Variants in TSHZ2 observed in about 807,000 individuals in gnomAD.
TSHZ2 encodes teashirt zinc finger homeobox 2.
A neutral mutation model predicts 74.4 loss-of-function variants in TSHZ2; 21 were observed. That is an observed-to-expected ratio of 0.28 (90% CI 0.20 to 0.41). The LOEUF (loss-of-function observed/expected upper bound fraction) is 0.41, where lower values mean the gene tolerates loss of function less well. Among genes scored for constraint, TSHZ2 ranks in the 10% least tolerant of loss-of-function variants. The pLI is 1.00. For missense variants in TSHZ2, 1,244 were observed against 1,293.5 expected, an observed-to-expected ratio of 0.96 and a Z score of 0.59; for synonymous variants, 540 against 515.3, an observed-to-expected ratio of 1.05 and a Z score of -0.65.
intron 2 of TSHZ2, among the ~76,000 whole-genome samples, chr20:53,422,918 T>C (rs977311107): frequency 6.6e-6 from 1 of 152,198 alleles, no homozygotes; most frequent in African/African-American, 2.4e-5. Context: ...AGTAATTTGA[T>C]TTCCTGGTTT....
At chr20:53,126,970 T>C (rs2123370257) in intron 1 of TSHZ2, among the ~76,000 whole-genome samples, 1 of 151,742 alleles carries the variant, frequency 6.6e-6, no homozygotes, top group East Asian at 1.9e-4. Context: ...CTCCAACATG[T>C]AGCAGAGAGA....
intron 1 of TSHZ2, among the ~76,000 whole-genome samples, chr20:53,213,493 A>C (rs1351627941): frequency 6.6e-6 from 1 of 152,146 alleles, no homozygotes; most frequent in Non-Finnish European, 1.5e-5. Context: ...AAAGTGTTTA[A>C]AGTTTAATTA....
At chr20:53,105,855 C>T (rs1568761606) in intron 1 of TSHZ2, among the ~76,000 whole-genome samples, 4 of 152,184 alleles carry the variant, frequency 2.6e-5, no homozygotes, top group African/African-American at 9.6e-5. Context: ...CCATGTTGCA[C>T]GGGCTGGTCT....
At chr20:53,007,055 A>G (rs1982670159) in intron 1 of TSHZ2, among the ~76,000 whole-genome samples, 1 of 152,174 alleles carries the variant, frequency 6.6e-6, no homozygotes, top group Admixed American at 6.5e-5. Context: ...TTTAATTGCC[A>G]TTGTGACTGG....
At chr20:53,418,640 C>A (rs1983358309) in intron 2 of TSHZ2, among the ~76,000 whole-genome samples, 1 of 152,106 alleles carries the variant, frequency 6.6e-6, no homozygotes, top group Non-Finnish European at 1.5e-5. Context: ...AATTACCACC[C>A]CCCAGGTCCT....
chr20:53,086,146 A>C (rs2123245274), intron 1 of TSHZ2, among the ~76,000 whole-genome samples: 1 of 152,314 alleles, frequency 6.6e-6, no homozygotes, highest in South Asian at 2.1e-4. Flanking sequence ...GTTGTAAGGA[A>C]GAATAACTCT....
intron 2 of TSHZ2, among the ~76,000 whole-genome samples, chr20:53,449,676 A>G (rs1311311531): frequency 6.6e-6 from 1 of 152,188 alleles, no homozygotes; most frequent in Admixed American, 6.5e-5. Flanking sequence ...CCATCTTCAC[A>G]TATTAAAATC....
intron 1 of TSHZ2, among the ~76,000 whole-genome samples, chr20:53,028,671 C>T (rs1400987797): frequency 6.6e-6 from 1 of 152,196 alleles, no homozygotes; most frequent in East Asian, 1.9e-4. Context: ...TCAGCAGTTT[C>T]CTCAGTGCCT....
At chr20:53,108,289 G>A (rs572321085) in intron 1 of TSHZ2, among the ~76,000 whole-genome samples, 5 of 152,360 alleles carry the variant, frequency 3.3e-5, no homozygotes, top group African/African-American at 7.2e-5. Context: ...ATTTTTATGA[G>A]GGGAGTAAGA....
chr20:53,017,461 A>G (rs1242214965), intron 1 of TSHZ2, among the ~76,000 whole-genome samples: 1 of 152,182 alleles, frequency 6.6e-6, no homozygotes, highest in African/African-American at 2.4e-5. Context: ...AACAGTTGAT[A>G]TGTATCGTAA....
intron 1 of TSHZ2, among the ~76,000 whole-genome samples, chr20:53,164,922 T>C (rs560253330): frequency 1.3e-5 from 2 of 152,284 alleles, no homozygotes; most frequent in Non-Finnish European, 2.9e-5. Context: ...CCTAATATCA[T>C]TGATGTTTGT....
chr20:53,381,824 T>G (rs1417644282), intron 2 of TSHZ2, among the ~76,000 whole-genome samples: 1 of 152,186 alleles, frequency 6.6e-6, no homozygotes, highest in Non-Finnish European at 1.5e-5. Context: ...GGGACTGCTC[T>G]TCCTACACTG....
rs1803199660 is a variant in TSHZ2, at chr20:53,253,535, A to T, written c.77A>T (p.Glu26Val). The T allele has an allele frequency of 6.2e-7, 1 of 1,612,684 alleles. No individual in the cohort carries two copies. ...AQEEQLKEEE[E>V]IKEEEEEEDS... ...GAGGAACAGCTGAAAGAAGAGGAGG[A>T]AATAAAAGAAGAGGAGGAGGAGGAG... Residue 26 changes from glutamate to valine, a missense_variant, in exon 2 of 3, where the codon GAA becomes GTA. Physicochemically the swap from Glu to Val is moderately radical, Grantham distance 121. Transcript: ENST00000371497.
chr20:53,016,089 A>G (rs1983031448), intron 1 of TSHZ2, among the ~76,000 whole-genome samples: 1 of 152,206 alleles, frequency 6.6e-6, no homozygotes, highest in Non-Finnish European at 1.5e-5. Context: ...TTAAAAATGG[A>G]AAATATGAGG....
intron 1 of TSHZ2, among the ~76,000 whole-genome samples, chr20:53,163,360 C>CTTTTTTTTTTTTTTTTTT (rs55685519): frequency 1.5e-5 from 1 of 65,636 alleles, no homozygotes; most frequent in Non-Finnish European, 2.8e-5. Context: ...CTCTCTGTCT[C>CTTTTTTTTTTTTTTTTTT]TTTTTTTTTT....
At chr20:53,077,722 C>G (rs1985411527) in intron 1 of TSHZ2, among the ~76,000 whole-genome samples, 1 of 152,150 alleles carries the variant, frequency 6.6e-6, no homozygotes. Flanking sequence ...TGACAAAAGG[C>G]CAGTCAGTGT....
intron 2 of TSHZ2, among the ~76,000 whole-genome samples, chr20:53,462,680 A>G (rs1985416942): frequency 6.6e-6 from 1 of 152,230 alleles, no homozygotes; most frequent in Non-Finnish European, 1.5e-5. Context: ...ATAGCTGCTC[A>G]ACAGCTGATT....
intron 2 of TSHZ2, among the ~76,000 whole-genome samples, chr20:53,429,617 T>G (rs1983767942): frequency 6.6e-6 from 1 of 152,192 alleles, no homozygotes; most frequent in Non-Finnish European, 1.5e-5. Flanking sequence ...AACCTCTTTC[T>G]TTTGTAAATT....
chr20:53,488,887 T>C lies in TSHZ2; in HGVS notation c.*1752T>C. On this transcript the variant is annotated 3_prime_UTR_variant, in exon 3 of 3. Coordinates refer to ENST00000371497, the MANE Select transcript of TSHZ2 (RefSeq NM_173485.6). Reference sequence around the variant, plus strand: ...CCTCCTAGGGAAAGTGTTGCCCTTATGCCACATATAATAGCAAATTGCTTT... The same window carrying C: ...CCTCCTAGGGAAAGTGTTGCCCTTACGCCACATATAATAGCAAATTGCTTT... 2.4e-6 allele frequency: 1 copy of C among 421,462 alleles called. No homozygotes were observed. The highest frequency in any genetic ancestry group is 4.8e-6 in the Non-Finnish European group (1 of 209,430). The allele number at this position is 421,462 out of a possible 1,614,324, so 26.1% of individuals were successfully genotyped here.
Sources: allele counts gnomAD v4.1 joint callset (sites outside exome capture counted in the v4.1 genomes callset), GRCh38; gene constraint gnomAD v4.1.1; transcripts MANE v1.5; gene names NCBI Gene and HGNC (gene_info 2026-07-23, HGNC 2026-07-21).